The following BMS1 variants were observed in gnomAD, a reference collection of about 807,000 sequenced individuals.
BMS1 encodes BMS1 ribosome biogenesis factor.
BMS1 carries 53 observed loss-of-function variants against 138.7 expected under a neutral mutation model. The observed-to-expected ratio is 0.38, with a 90% CI of 0.31 to 0.48. The LOEUF (loss-of-function observed/expected upper bound fraction) is 0.48. Among genes scored for constraint, BMS1 ranks in the 20% least tolerant of loss-of-function variants. BMS1 has a pLI of 0.97. For synonymous variants in BMS1, 504 were observed against 539.9 expected (o/e 0.93, Z 0.92); for missense variants, 1,360 against 1,565.5 (o/e 0.87, Z 2.22).
intron 13 of BMS1, among the ~76,000 whole-genome samples, chr10:42,815,822 A>T (rs1460772081): frequency 1.3e-5 from 2 of 152,054 alleles, no homozygotes; most frequent in Non-Finnish European, 1.5e-5. Flanking sequence ...TTGGGGCTCT[A>T]CTCTTAATCT....
intron 21 of BMS1, 97 bp from the exon 22 acceptor site, chr10:42,830,164 G>A (rs1342591326): frequency 9.3e-6 from 13 of 1,402,316 alleles, no homozygotes; most frequent in Non-Finnish European, 1.3e-5. Flanking sequence ...TACTAATCTT[G>A]TGGAAAAGTC....
chr10:42,803,892 A>G (rs1841942564), intron 13 of BMS1, among the ~76,000 whole-genome samples: 1 of 151,990 alleles, frequency 6.6e-6, no homozygotes, highest in Non-Finnish European at 1.5e-5. Flanking sequence ...CCACTTTGTA[A>G]CTCTCCATCT....
At chr10:42,789,469 A>C (rs1165869968) in intron 4 of BMS1, among the ~76,000 whole-genome samples, 3 of 152,228 alleles carry the variant, frequency 2.0e-5, no homozygotes, top group Non-Finnish European at 2.9e-5. Context: ...TTTAATACTT[A>C]AACTAGAAAT....
chr10:42,827,644 G>A (rs1842686836), intron 21 of BMS1, among the ~76,000 whole-genome samples: 1 of 152,166 alleles, frequency 6.6e-6, no homozygotes, highest in African/African-American at 2.4e-5. Flanking sequence ...GCTTCAGGCT[G>A]ATCCCTCTGG....
rs531418287 is a variant in BMS1 at position 42,832,403 on chromosome 10, C to G, written c.*1307C>G. The G allele has an allele frequency of 1.3e-4, 18 of 134,820 alleles. No individual in the cohort carries two copies. Among genetic ancestry groups the G allele is most frequent in the African/African-American group, 4.9e-4 (17 of 35,002 alleles). The allele number at this position is 134,820 out of a possible 1,614,324, so 8.4% of individuals were successfully genotyped here. Reference sequence around the variant, plus strand: ...TAGCACCACTGCACTCCAGCCTGGGCGACAGGGCAAGACCCTGTTTCAAAA... The same window carrying G: ...TAGCACCACTGCACTCCAGCCTGGGGGACAGGGCAAGACCCTGTTTCAAAA... On this transcript the variant is annotated 3_prime_UTR_variant, in exon 23 of 23. Transcript: ENST00000374518.
chr10:42,784,503 G>T lies in BMS1; in HGVS notation c.109G>T (p.Ala37Ser). Residue 37 changes from alanine (A) to serine (S), a missense_variant, in exon 2 of 23, where the codon GCC (alanine) becomes TCC (serine). By Grantham distance (99) the Ala-to-Ser change is moderately conservative. Coordinates refer to ENST00000374518, the MANE Select transcript of BMS1 (RefSeq NM_014753.4). The stretch of plus-strand genomic sequence containing the variant: ...TCTCCAGCTAGGAGACGAAGAAGAT[G>T]CCCGGAAGAGAAATCCCAAAGCTTT... ...QDLQLGDEEDARKRNPKAFAV... is the reference protein window; with the variant it reads ...QDLQLGDEEDSRKRNPKAFAV... 2 of 1,613,982 alleles carry T rather than the reference G, an allele frequency of 1.2e-6. No homozygotes were observed. Among genetic ancestry groups the T allele is most frequent in the Non-Finnish European group, 8.5e-7 (1 of 1,179,858 alleles).
At chr10:42,800,755 C>T (rs1405679119) in intron 12 of BMS1, among the ~76,000 whole-genome samples, 1 of 152,124 alleles carries the variant, frequency 6.6e-6, no homozygotes, top group Admixed American at 6.5e-5. Context: ...TCTCGAACTC[C>T]TGACCTCCTG....
chr10:42,803,994 A>C (rs1238559928), intron 13 of BMS1, among the ~76,000 whole-genome samples: 1 of 152,216 alleles, frequency 6.6e-6, no homozygotes, highest in East Asian at 1.9e-4. Flanking sequence ...GGGATCCTAC[A>C]ATATGTACTC....
intron 2 of BMS1, 64 bp from the exon 3 acceptor site, chr10:42,785,418 A>G: frequency 6.9e-7 from 1 of 1,448,746 alleles, no homozygotes; most frequent in Non-Finnish European, 9.2e-7. Context: ...TAAGGTTGAT[A>G]CCTTTTACTC....
intron 13 of BMS1, among the ~76,000 whole-genome samples, chr10:42,808,403 A>T (rs1008386900): frequency 6.6e-6 from 1 of 151,500 alleles, no homozygotes; most frequent in Non-Finnish European, 1.5e-5. Flanking sequence ...GGTTCATGCC[A>T]TTCTCCTGCC....
Position 42,792,515 on chromosome 10 carries a change from G to A in BMS1, c.802G>A (p.Glu268Lys). Reference protein sequence around the residue: ...ADRMEDLTNPEDIRTNIKCDR... With the variant: ...ADRMEDLTNPKDIRTNIKCDR... ...TAGGATGGAAGATTTGACAAACCCA[G>A]AGGATATCCGAACAAACATCAAATG... The change falls in exon 7 of 23, where the codon GAG becomes AAG. Residue 268 changes from glutamate (E) to lysine (K), a missense_variant. Physicochemically the swap from Glu to Lys is moderately conservative, Grantham distance 56. Transcript: ENST00000374518. 6.2e-7 allele frequency: 1 copy of A among 1,611,798 alleles called. No individual in the cohort carries two copies. The highest frequency in any genetic ancestry group is 8.5e-7 in the Non-Finnish European group (1 of 1,179,774).
intron 13 of BMS1, among the ~76,000 whole-genome samples, chr10:42,813,806 C>G (rs57349942): frequency 0.029 from 4,462 of 152,192 alleles, 206 homozygotes; most frequent in African/African-American, 0.1. Flanking sequence ...TCTAAATTTA[C>G]CAGAGACAAA....
chr10:42,830,431 G>A lies in BMS1; in HGVS notation c.3618+9G>A. On this transcript the variant is annotated intron_variant, in intron 22 of 22. Transcript: ENST00000374518. The stretch of plus-strand genomic sequence containing the variant: ...AGCCTCATGAAAGAAAGGTACTGTT[G>A]CCCATGCTGTACTGCACGCTGCGTT... 6.2e-7 allele frequency: 1 copy of A among 1,605,806 alleles called. No homozygotes were observed.
intron 13 of BMS1, among the ~76,000 whole-genome samples, chr10:42,808,682 G>C (rs1272283613): frequency 6.6e-6 from 1 of 151,990 alleles, no homozygotes; most frequent in African/African-American, 2.4e-5. Context: ...GATCTATTTT[G>C]ATTTTTTCAT....
rs779167993 is a variant in BMS1, at chr10:42,797,406, G to A, written c.1988-16G>A. ...CATGAATAAGCCTAACTGGAGGTTG[G>A]CATTGGTCGTTTCAGGTGCCCTCAA... On this transcript the variant is annotated splice_polypyrimidine_tract_variant and intron_variant, in intron 10 of 22. Coordinates refer to ENST00000374518, the MANE Select transcript of BMS1 (RefSeq NM_014753.4). 3 of 1,613,580 alleles carry A rather than the reference G, an allele frequency of 1.9e-6. No individual in the cohort carries two copies. The highest frequency in any genetic ancestry group is 8.5e-7 in the Non-Finnish European group (1 of 1,179,534).
At position 42,834,139 on chromosome 10, in the gene BMS1, T is replaced by C. The variant is rs1842840077; in HGVS notation, c.*3043T>C. 6.6e-6 allele frequency: 1 copy of C among 152,248 alleles called. No homozygotes were observed. The highest frequency in any genetic ancestry group is 2.1e-4 in the South Asian group (1 of 4,836). The allele number at this position is 152,248 out of a possible 1,614,324, so 9.4% of individuals were successfully genotyped here. ...AGGTGCTAGGTATGTTTTGAAAACATATTGAACCTACAGTGTACATATCAT... is the reference window on the plus strand; with the variant it reads ...AGGTGCTAGGTATGTTTTGAAAACACATTGAACCTACAGTGTACATATCAT... On this transcript the variant is annotated 3_prime_UTR_variant, in exon 23 of 23. Coordinates refer to ENST00000374518, the MANE Select transcript of BMS1 (RefSeq NM_014753.4).
intron 21 of BMS1, among the ~76,000 whole-genome samples, chr10:42,829,788 T>A (rs1842750942): frequency 2.0e-5 from 3 of 152,056 alleles, no homozygotes; most frequent in African/African-American, 7.2e-5. Context: ...GGCACTGCTC[T>A]CTAGCCTGGG....
At chr10:42,826,877 C>T (rs10900273) in intron 21 of BMS1, among the ~76,000 whole-genome samples, 56,422 of 151,868 alleles carry the variant, frequency 0.37, 11,200 homozygotes, top group East Asian at 0.63. Context: ...AACTCAGGCT[C>T]CAAGGGGCAG....
intron 10 of BMS1, 29 bp downstream of exon 10, chr10:42,797,260 A>G (rs1214916590): frequency 6.3e-6 from 10 of 1,588,514 alleles, no homozygotes; most frequent in East Asian, 2.2e-5. Flanking sequence ...GGTTGCTGCT[A>G]TGAACTTGGC....
Sources: gnomAD v4.1 joint callset for allele counts (sites outside exome capture counted in the v4.1 genomes callset) on GRCh38, gnomAD v4.1.1 for gene constraint, MANE v1.5 for transcripts, NCBI Gene and HGNC (gene_info 2026-07-23, HGNC 2026-07-21) for gene names.